The following LHX8 variants were observed in gnomAD, a reference collection of about 807,000 sequenced individuals.
The protein encoded by LHX8 is LIM/homeobox protein Lhx8.
In LHX8, 12 loss-of-function variants were observed where a neutral mutation model predicts 40.3. The ratio of observed to expected loss-of-function variants is 0.30; its 90% CI spans 0.19 to 0.48. The LOEUF is 0.48. LHX8 is among the 20% of genes least tolerant of loss of function. The pLI, the probability that LHX8 is intolerant of heterozygous loss-of-function variation, is 0.99. For missense variants in LHX8, 344 were observed against 433.7 expected (o/e 0.79, Z 1.84); for synonymous variants, 179 against 162.0 (o/e 1.10, Z -0.80).
Position 75,134,821 on chromosome 1 carries a change from ATTTT to A in LHX8, c.-137_-134del. 1.5e-6 allele frequency: 1 copy of A among 647,788 alleles called. No individual in the cohort carries two copies. The highest frequency in any genetic ancestry group is 1.9e-6 in the Non-Finnish European group (1 of 522,770). 40.1% of individuals were successfully genotyped at this position (647,788 alleles called of 1,614,324 possible). A position where few individuals can be genotyped will look rare whatever the true frequency, so the allele number is the denominator to read the frequency against. On this transcript the variant is annotated 5_prime_UTR_variant, in exon 1 of 9. Transcript: ENST00000356261. ...AACGGCCTCATCTTCAGACCTGGCA[ATTTT>A]TTTTTTTTATTACGTAGTAGCGTTA...
At chr1:75,175,289 A>G in the LHX8 span, among the ~76,000 whole-genome samples, 1 of 152,146 alleles carries the variant, frequency 6.6e-6, no homozygotes, top group African/African-American at 2.4e-5. Context: ...TGTCTTTTTC[A>G]TGTAATGAAT....
At position 75,137,536 on chromosome 1, in the gene LHX8, CTGGCTTG is replaced by C. The variant is rs149446328; in HGVS notation, c.237+277_237+283del. On this transcript the variant is annotated intron_variant, in intron 3 of 8. Coordinates refer to ENST00000356261, the MANE Select transcript of LHX8 (RefSeq NM_001256114.2). ...TGTGTGGATGCGCTGGAGTCAGCCA[CTGGCTTG>C]TAGTGGAAGGGAAGTGGAAAAACCC... 3.0e-4 allele frequency among the ~76,000 whole-genome samples: 45 copies of C among 152,274 alleles called. No individual in the cohort carries two copies. The East Asian group carries it at 8.7e-3, about 29-fold the overall frequency.
Position 75,136,626 on chromosome 1 carries a change from G to A in LHX8, c.12G>A (p.Glu4=), listed in dbSNP as rs754991959. 104 of 1,550,046 alleles carry A rather than the reference G, an allele frequency of 6.7e-5. No homozygotes were observed. In the Middle Eastern group the frequency reaches 1.3e-3, roughly 20 times the overall value. The change falls in exon 2 of 9, where the codon GAG becomes GAA. Residue 4 remains glutamate (E), a synonymous_variant. Coordinates refer to ENST00000356261, the MANE Select transcript of LHX8 (RefSeq NM_001256114.2). MSE[E]CGRTTALAAG... ...AGTGTCAGGGGCTCATGTCAGAGGAGTGCGGGCGGACTACAGCCCTGGCGG... is the reference window on the plus strand; with the variant it reads ...AGTGTCAGGGGCTCATGTCAGAGGAATGCGGGCGGACTACAGCCCTGGCGG...
At chr1:75,198,674 A>G in the LHX8 span, among the ~76,000 whole-genome samples, 1 of 152,190 alleles carries the variant, frequency 6.6e-6, no homozygotes, top group Admixed American at 6.5e-5. Context: ...AGCATGGTTC[A>G]GAACTCATAC....
At chr1:75,137,483 A>G (rs1234267405) in intron 3 of LHX8, among the ~76,000 whole-genome samples, 1 of 152,166 alleles carries the variant, frequency 6.6e-6, no homozygotes, top group Non-Finnish European at 1.5e-5. Context: ...CTAATGTGTG[A>G]CACATCCTGG....
chr1:75,158,577 T>C (rs1286215832), intron 8 of LHX8, among the ~76,000 whole-genome samples: 1 of 152,196 alleles, frequency 6.6e-6, no homozygotes, highest in Non-Finnish European at 1.5e-5. Flanking sequence ...TGGTGTGAGG[T>C]AGAAAGTGAA....
At chr1:75,149,457 G>A (rs1648546867) in intron 7 of LHX8, among the ~76,000 whole-genome samples, 2 of 152,160 alleles carry the variant, frequency 1.3e-5, no homozygotes, top group African/African-American at 2.4e-5. Context: ...TTGGAAGGCT[G>A]GAATGCCCAG....
intron 4 of LHX8, 126 bp downstream of exon 4, chr1:75,141,232 CA>C (rs1157253856): frequency 1.0e-6 from 1 of 993,520 alleles, no homozygotes; most frequent in Non-Finnish European, 1.5e-6. Flanking sequence ...TAAGAGATTT[CA>C]AAATGAGGGT....
At chr1:75,193,835 C>T in the LHX8 span, among the ~76,000 whole-genome samples, 2 of 152,176 alleles carry the variant, frequency 1.3e-5, no homozygotes, top group East Asian at 1.9e-4. Flanking sequence ...AATTTTATAA[C>T]TCCTGAAGAC....
chr1:75,161,588 A>C (rs1648920183), downstream of LHX8: 1 of 152,254 alleles, frequency 6.6e-6, no homozygotes, highest in Admixed American at 6.6e-5. Flanking sequence ...GTCTCTTTAA[A>C]ATCTAACAAC....
At chr1:75,130,844 C>G (rs1242910912), upstream of LHX8, 1 of 1,065,404 alleles carries the variant, frequency 9.4e-7, no homozygotes, top group Non-Finnish European at 1.5e-6. Context: ...GTCTCCTAAC[C>G]CTGAACCAAG....
downstream of LHX8, among the ~76,000 whole-genome samples, chr1:75,166,308 G>A (rs1349668974): frequency 6.6e-6 from 1 of 152,178 alleles, no homozygotes; most frequent in Non-Finnish European, 1.5e-5. Context: ...CTCCCTTCTT[G>A]ATCTTAAAGA....
At chr1:75,178,928 T>G in the LHX8 span, among the ~76,000 whole-genome samples, 11 of 152,168 alleles carry the variant, frequency 7.2e-5, no homozygotes, top group African/African-American at 1.7e-4. Context: ...ATTTCGTTAT[T>G]TACCCAGTAG....
chr1:75,140,581 T>G (rs932315957), intron 3 of LHX8, among the ~76,000 whole-genome samples: 2 of 152,174 alleles, frequency 1.3e-5, no homozygotes, highest in Non-Finnish European at 2.9e-5. Flanking sequence ...GTGTTTTGTC[T>G]TCTTTAACCA....
the LHX8 span, among the ~76,000 whole-genome samples, chr1:75,173,889 C>A: frequency 4.6e-5 from 7 of 152,116 alleles, no homozygotes; most frequent in Non-Finnish European, 7.4e-5. Context: ...CCTAGCTATA[C>A]AGTTTGAGCA....
At chr1:75,184,694 C>T in the LHX8 span, among the ~76,000 whole-genome samples, 4 of 151,926 alleles carry the variant, frequency 2.6e-5, no homozygotes, top group Non-Finnish European at 5.9e-5. Context: ...AACTTAACAT[C>T]GCAGCTAAAA....
the LHX8 span, among the ~76,000 whole-genome samples, chr1:75,179,627 T>C: frequency 7.9e-5 from 12 of 151,680 alleles, no homozygotes; most frequent in African/African-American, 2.9e-4. Context: ...TCTTGATGGG[T>C]CTTAACTCTT....
the LHX8 span, among the ~76,000 whole-genome samples, chr1:75,185,691 C>T: frequency 6.6e-6 from 1 of 152,060 alleles, no homozygotes; most frequent in South Asian, 2.1e-4. Context: ...GAAGTCCTGA[C>T]CAGGAAAATG....
At chr1:75,162,932 A>G (rs999059493), downstream of LHX8, among the ~76,000 whole-genome samples, 15 of 152,110 alleles carry the variant, frequency 9.9e-5, no homozygotes, top group African/African-American at 3.6e-4. Context: ...AGAAAACTCT[A>G]TATTGTTGGA....
Sources: gnomAD v4.1 joint callset for allele counts (sites outside exome capture counted in the v4.1 genomes callset) on GRCh38, gnomAD v4.1.1 for gene constraint, MANE v1.5 for transcripts, NCBI Gene and HGNC (gene_info 2026-07-23, HGNC 2026-07-21) for gene names.